Variants in LIFR observed in about 807,000 individuals in gnomAD.
The protein encoded by LIFR is leukemia inhibitory factor receptor.
In LIFR, 84 loss-of-function variants were observed where a neutral mutation model predicts 122.2. The observed-to-expected ratio is 0.69, with a 90% CI of 0.58 to 0.82. LIFR has a LOEUF of 0.82. Among genes scored for constraint, LIFR ranks in the 40% least tolerant of loss-of-function variants. The pLI, the probability that LIFR is intolerant of heterozygous loss-of-function variation, is 0.00. For missense variants in LIFR, 1,294 were observed against 1,311.6 expected, an observed-to-expected ratio of 0.99 and a Z score of 0.21; for synonymous variants, 422 against 434.7, an observed-to-expected ratio of 0.97 and a Z score of 0.36.
Position 38,511,841 on chromosome 5 carries a change from A to G in LIFR, c.685T>C (p.Phe229Leu). The G allele has an allele frequency of 6.2e-7, 1 of 1,614,122 alleles. No individual in the cohort carries two copies. The highest frequency in any genetic ancestry group is 8.5e-7 in the Non-Finnish European group (1 of 1,179,988). ...EIRCYIDNLH[F>L]SGLEEWSDWS... ...TCACTCCACTCTTCGAGACCAGAAA[A>G]ATGAAGATTGTCAATGTAGCATCTA... Residue 229 changes from phenylalanine (F) to leucine (L), a missense_variant, in exon 6 of 20, where the codon TTT (phenylalanine) becomes CTT (leucine). Physicochemically the swap from Phe to Leu is conservative, Grantham distance 22. Coordinates refer to ENST00000453190, the MANE Select transcript of LIFR (RefSeq NM_001127671.2).
rs186163445 is a variant in LIFR, at chr5:38,570,216, A to G, written c.-20+25045T>C. 7.3e-4 allele frequency among the ~76,000 whole-genome samples: 111 copies of G among 152,232 alleles called. 1 individual carries two copies. Among genetic ancestry groups the G allele is most frequent in the Non-Finnish European group, 2.8e-4 (19 of 67,966 alleles). ...TAGGATTAAATGAATTTGTCTAAGT[A>G]GAGCATTTAGAACAGTGGCTGCTAT... is the stretch of plus-strand genomic sequence containing the variant. On this transcript the variant is annotated intron_variant, in intron 1 of 19. Transcript: ENST00000263409.
chr5:38,597,476 T>C (rs573017456), upstream of LIFR, among the ~76,000 whole-genome samples: 23 of 152,286 alleles, frequency 1.5e-4, no homozygotes, highest in South Asian at 4.6e-3. Context: ...ATTGCACATA[T>C]TGCTTGTGGG....
At chr5:38,500,977 G>T (rs530489760) in intron 11 of LIFR, among the ~76,000 whole-genome samples, 1 of 152,282 alleles carries the variant, frequency 6.6e-6, no homozygotes, top group South Asian at 2.1e-4. Flanking sequence ...ACAAGGTGAG[G>T]AACTGAGGCC....
intron 5 of LIFR, among the ~76,000 whole-genome samples, chr5:38,516,110 T>C (rs1439795721): frequency 6.6e-6 from 1 of 152,162 alleles, no homozygotes; most frequent in Non-Finnish European, 1.5e-5. Flanking sequence ...TCCCAAATTT[T>C]TTCCCAAAAG....
At chr5:38,521,383 T>A (rs1746389488) in intron 5 of LIFR, among the ~76,000 whole-genome samples, 1 of 152,228 alleles carries the variant, frequency 6.6e-6, no homozygotes, top group Non-Finnish European at 1.5e-5. Flanking sequence ...ACAATTTGAC[T>A]CTCTCTTTCC....
At chr5:38,512,984 C>G (rs932096907) in intron 5 of LIFR, among the ~76,000 whole-genome samples, 6 of 151,870 alleles carry the variant, frequency 4.0e-5, no homozygotes, top group African/African-American at 1.2e-4. Flanking sequence ...GTAAGTTATA[C>G]TAATACAAAT....
intron 1 of LIFR, among the ~76,000 whole-genome samples, chr5:38,588,896 CA>C (rs1252776848): frequency 6.6e-6 from 1 of 152,048 alleles, no homozygotes; most frequent in Non-Finnish European, 1.5e-5. Flanking sequence ...TATAGGTTAG[CA>C]ATGCATTTAT....
chr5:38,541,104 AAAC>A (rs1451609974), intron 1 of LIFR, among the ~76,000 whole-genome samples: 12 of 152,226 alleles, frequency 7.9e-5, no homozygotes, highest in Admixed American at 6.5e-4. Context: ...ATGCTTCTCA[AAAC>A]AACAACTAAA....
intron 1 of LIFR, among the ~76,000 whole-genome samples, chr5:38,571,843 G>A (rs940856833): frequency 6.6e-6 from 1 of 152,160 alleles, no homozygotes; most frequent in Non-Finnish European, 1.5e-5. Flanking sequence ...ACCTCTAAGA[G>A]AGGCCTAAAA....
chr5:38,498,552 A>T (rs1181090947), intron 12 of LIFR, among the ~76,000 whole-genome samples: 1 of 152,186 alleles, frequency 6.6e-6, no homozygotes, highest in South Asian at 2.1e-4. Flanking sequence ...CCAAAACTAC[A>T]TAATTTCTAC....
intron 1 of LIFR, among the ~76,000 whole-genome samples, chr5:38,567,867 A>AGC (rs1749078700): frequency 6.6e-6 from 1 of 152,098 alleles, no homozygotes; most frequent in Non-Finnish European, 1.5e-5. Context: ...TGAGGTTAAT[A>AGC]TTCCCCCAGA....
At chr5:38,538,968 CTT>C (rs1051874536) in intron 1 of LIFR, among the ~76,000 whole-genome samples, 1 of 149,518 alleles carries the variant, frequency 6.7e-6, no homozygotes, top group Admixed American at 6.7e-5. Context: ...TTGGTTCTCT[CTT>C]TTTTTTTTGA....
At chr5:38,498,321 TTCC>T (rs1482597590) in intron 12 of LIFR, among the ~76,000 whole-genome samples, 1 of 152,132 alleles carries the variant, frequency 6.6e-6, no homozygotes, top group Non-Finnish European at 1.5e-5. Context: ...CCTCTGCTGG[TTCC>T]TCCTCCTCTG....
intron 1 of LIFR, among the ~76,000 whole-genome samples, chr5:38,532,264 G>C (rs901727637): frequency 4.6e-5 from 7 of 152,222 alleles, no homozygotes; most frequent in Non-Finnish European, 1.0e-4. Context: ...AGCTGAGAAA[G>C]AGCTCTGGAC....
At chr5:38,580,593 C>T (rs1360036071) in intron 1 of LIFR, among the ~76,000 whole-genome samples, 1 of 152,164 alleles carries the variant, frequency 6.6e-6, no homozygotes, top group Non-Finnish European at 1.5e-5. Flanking sequence ...CACATTGCTC[C>T]TAGCTTCGGT....
In LIFR at chr5:38,506,459, A is replaced by T. The variant is rs1212048979; in HGVS notation, c.1121+44T>A. 6.2e-6 allele frequency: 10 copies of T among 1,611,592 alleles called. No homozygotes were observed. In the Admixed American group the frequency reaches 1.7e-4, roughly 27 times the overall value. On this transcript the variant is annotated intron_variant, in intron 8 of 19. Coordinates refer to ENST00000453190, the MANE Select transcript of LIFR (RefSeq NM_001127671.2). ...CCTATGTCATTTAACATGCACTTCC[A>T]ACGTACTCCTTGCCATCTGACATCT...
At chr5:38,521,190 A>G (rs1308953630) in intron 5 of LIFR, among the ~76,000 whole-genome samples, 1 of 152,136 alleles carries the variant, frequency 6.6e-6, no homozygotes, top group East Asian at 1.9e-4. Context: ...TTCTGTAGCT[A>G]TTGTAAATGG....
In LIFR at chr5:38,482,618, C is replaced by T; in HGVS notation, c.2641G>A (p.Ala881Thr). The change falls in exon 19 of 20, where the codon GCA becomes ACA. Residue 881 changes from alanine (A) to threonine (T), a missense_variant. Coordinates refer to ENST00000453190, the MANE Select transcript of LIFR (RefSeq NM_001127671.2). ...CAGACACTCTTTTGAAACTGTAATG[C>T]TTTACAGTTTTCTGGATTTGGAATA... ...PDIPNPENCK[A>T]LQFQKSVCEG... 6.6e-7 allele frequency: 1 copy of T among 1,504,344 alleles called. No homozygotes were observed. Among genetic ancestry groups the T allele is most frequent in the Non-Finnish European group, 9.0e-7 (1 of 1,106,596 alleles). 93.2% of individuals were successfully genotyped at this position (1,504,344 alleles called of 1,614,324 possible).
intron 1 of LIFR, among the ~76,000 whole-genome samples, chr5:38,553,573 A>G (rs1290469719): frequency 7.1e-6 from 1 of 141,090 alleles, no homozygotes; most frequent in Non-Finnish European, 1.5e-5. Flanking sequence ...GTACCAAATA[A>G]AAGGCAAGAG....
Sources: gnomAD v4.1 joint callset for allele counts (sites outside exome capture counted in the v4.1 genomes callset) on GRCh38, gnomAD v4.1.1 for gene constraint, MANE v1.5 for transcripts, NCBI Gene and HGNC (gene_info 2026-07-23, HGNC 2026-07-21) for gene names.